PTPRM: variants seen among roughly 807,000 people sequenced by gnomAD.
PTPRM encodes protein tyrosine phosphatase receptor type M, also known as receptor-type tyrosine-protein phosphatase mu.
PTPRM carries 47 observed loss-of-function variants against 186.7 expected under a neutral mutation model. That is an observed-to-expected ratio of 0.25 (90% CI 0.20 to 0.32). The LOEUF is 0.32. Among genes scored for constraint, PTPRM ranks in the 10% least tolerant of loss-of-function variants. The pLI is 1.00. For missense variants in PTPRM, 1,494 were observed against 1,865.0 expected, an observed-to-expected ratio of 0.80 and a Z score of 3.66; for synonymous variants, 668 against 674.9, an observed-to-expected ratio of 0.99 and a Z score of 0.16.
chr18:7,899,677 A>G (rs929773328), intron 3 of PTPRM, among the ~76,000 whole-genome samples: 2 of 152,224 alleles, frequency 1.3e-5, no homozygotes, highest in Non-Finnish European at 2.9e-5. Flanking sequence ...AGAAGATGGT[A>G]TAAAATGAGA....
chr18:8,392,266 AT>A (rs1457866191), intron 31 of PTPRM, among the ~76,000 whole-genome samples: 5 of 152,180 alleles, frequency 3.3e-5, no homozygotes, highest in Non-Finnish European at 7.3e-5. Context: ...AAATTTGATA[AT>A]TTTAAAACAG....
chr18:7,819,006 G>T (rs549996675), intron 2 of PTPRM, among the ~76,000 whole-genome samples: 3 of 152,206 alleles, frequency 2.0e-5, no homozygotes, highest in African/African-American at 4.8e-5. Context: ...GAGAGGTAAG[G>T]CCTGAGCAGT....
intron 13 of PTPRM, among the ~76,000 whole-genome samples, chr18:8,141,634 A>C (rs968055715): frequency 6.6e-6 from 1 of 152,196 alleles, no homozygotes. Context: ...CTTAAGGTAA[A>C]TAAGTTTTTC....
At chr18:7,862,603 G>A (rs575674106) in intron 2 of PTPRM, among the ~76,000 whole-genome samples, 2 of 152,306 alleles carry the variant, frequency 1.3e-5, no homozygotes, top group African/African-American at 4.8e-5. Context: ...AGGAGATGGA[G>A]GGTAAGAAAA....
intron 7 of PTPRM, among the ~76,000 whole-genome samples, chr18:7,978,016 A>G (rs1443819719): frequency 1.3e-5 from 2 of 152,234 alleles, no homozygotes; most frequent in African/African-American, 2.4e-5. Flanking sequence ...CGACTTGTGC[A>G]GTTTTGCAGT....
At chr18:7,804,673 A>C (rs1230266658) in intron 2 of PTPRM, among the ~76,000 whole-genome samples, 1 of 152,186 alleles carries the variant, frequency 6.6e-6, no homozygotes, top group African/African-American at 2.4e-5. Context: ...GCTTTTGGTA[A>C]TTGACATCAT....
At chr18:7,948,787 A>G (rs1322249714) in intron 5 of PTPRM, among the ~76,000 whole-genome samples, 2 of 152,230 alleles carry the variant, frequency 1.3e-5, no homozygotes, top group Non-Finnish European at 2.9e-5. Flanking sequence ...GAGGTCAGTA[A>G]TAGGATAGTG....
intron 15 of PTPRM, among the ~76,000 whole-genome samples, chr18:8,247,032 G>C (rs1387415145): frequency 2.0e-5 from 3 of 152,060 alleles, no homozygotes; most frequent in African/African-American, 7.2e-5. Context: ...ACCACCTTGA[G>C]CAACTTTCAA....
At chr18:7,908,057 G>A (rs950445656) in intron 4 of PTPRM, among the ~76,000 whole-genome samples, 1 of 152,058 alleles carries the variant, frequency 6.6e-6, no homozygotes, top group Non-Finnish European at 1.5e-5. Context: ...GTGCCTACTG[G>A]TGCAGTGTTG....
chr18:7,570,895 A>G (rs2036549174), intron 1 of PTPRM, among the ~76,000 whole-genome samples: 2 of 151,784 alleles, frequency 1.3e-5, no homozygotes, highest in Non-Finnish European at 1.5e-5. Context: ...TGGGCCTGTG[A>G]TGACATTGCT....
intron 4 of PTPRM, 114 bp downstream of exon 4, chr18:7,906,697 C>A: frequency 2.5e-6 from 2 of 814,038 alleles, no homozygotes; most frequent in East Asian, 2.6e-5. Flanking sequence ...AGACAGTTCC[C>A]TGACAGGCCT....
At chr18:7,780,336 C>G (rs620216) in intron 2 of PTPRM, among the ~76,000 whole-genome samples, 102,109 of 152,142 alleles carry the variant, frequency 0.67, 36,202 homozygotes, top group East Asian at 0.98. Context: ...ATCCATGGCA[C>G]AACGACAGCC....
At chr18:8,111,954 A>G (rs2091775535) in intron 11 of PTPRM, among the ~76,000 whole-genome samples, 2 of 152,160 alleles carry the variant, frequency 1.3e-5, no homozygotes, top group Admixed American at 1.3e-4. Flanking sequence ...GACTTCTTTC[A>G]CCGCTGTCAA....
intron 7 of PTPRM, among the ~76,000 whole-genome samples, chr18:7,984,537 G>T (rs1209374935): frequency 8.3e-5 from 9 of 108,798 alleles, no homozygotes; most frequent in African/African-American, 1.0e-4. Context: ...AATTTTTGTG[G>T]GTAGTATACA....
chr18:8,190,370 A>G (rs1290164661), intron 14 of PTPRM, among the ~76,000 whole-genome samples: 1 of 152,212 alleles, frequency 6.6e-6, no homozygotes. Context: ...GTCATGAGGC[A>G]TTTGTCTTTC....
intron 1 of PTPRM, among the ~76,000 whole-genome samples, chr18:7,663,886 C>T (rs1205494346): frequency 1.3e-5 from 2 of 152,156 alleles, no homozygotes; most frequent in East Asian, 3.9e-4. Context: ...TGCCAGGTCC[C>T]TCTGCCCCCC....
intron 11 of PTPRM, among the ~76,000 whole-genome samples, chr18:8,094,959 T>G (rs558496643): frequency 1.3e-5 from 2 of 152,286 alleles, no homozygotes; most frequent in South Asian, 4.1e-4. Flanking sequence ...AATTCCATCT[T>G]AAGGTCTCTG....
rs2053242415 is a variant in PTPRM, at chr18:7,955,428, A to G, written c.1132+14A>G. ...CAAAGTGTGCTGGTGAGTATAAGGA[A>G]CCCTGCAATTAATTGTCATTGTCTT... On this transcript the variant is annotated intron_variant, in intron 7 of 32. Transcript: ENST00000580170. 1 of 1,597,428 alleles carries G rather than the reference A, an allele frequency of 6.3e-7. No individual in the cohort carries two copies. The highest frequency in any genetic ancestry group is 1.7e-5 in the Admixed American group (1 of 59,302).
intron 1 of PTPRM, among the ~76,000 whole-genome samples, chr18:7,736,438 G>A (rs2040772443): frequency 6.6e-6 from 1 of 152,136 alleles, no homozygotes; most frequent in Non-Finnish European, 1.5e-5. Flanking sequence ...TCCTGCCTCA[G>A]CCTCCCAAGT....
Sources: allele counts gnomAD v4.1 joint callset (sites outside exome capture counted in the v4.1 genomes callset), GRCh38; gene constraint gnomAD v4.1.1; transcripts MANE v1.5; gene names NCBI Gene and HGNC (gene_info 2026-07-23, HGNC 2026-07-21).